The following GNG2 variants were observed in gnomAD, a reference collection of about 807,000 sequenced individuals.
The protein encoded by GNG2 is G protein subunit gamma 2.
Under a neutral mutation model 5.5 loss-of-function variants are expected in GNG2, and 5 were observed. That is an observed-to-expected ratio of 0.91 (90% CI 0.48 to 1.92). The LOEUF is 1.92. Among genes scored for constraint, GNG2 ranks in the 30% most tolerant of loss-of-function variants. The pLI is 0.01. For missense variants in GNG2, 55 were observed against 88.4 expected (o/e 0.62, Z 1.52); for synonymous variants, 28 against 32.0 (o/e 0.88, Z 0.42).
chr14:51,923,763 T>C (rs964308318), intron 2 of GNG2, among the ~76,000 whole-genome samples: 6 of 152,160 alleles, frequency 3.9e-5, no homozygotes, highest in African/African-American at 1.4e-4. Flanking sequence ...TGGAATAGAA[T>C]GTAAAATGTA....
intron 2 of GNG2, among the ~76,000 whole-genome samples, chr14:51,933,723 G>A (rs1037158822): frequency 6.6e-6 from 1 of 152,224 alleles, no homozygotes; most frequent in Non-Finnish European, 1.5e-5. Flanking sequence ...CAAGGGAAGA[G>A]AAGGCAGAGC....
chr14:51,903,929 G>A (rs1159958691), intron 2 of GNG2, among the ~76,000 whole-genome samples: 1 of 152,196 alleles, frequency 6.6e-6, no homozygotes, highest in Non-Finnish European at 1.5e-5. Context: ...TTCCCAAGCT[G>A]TATCCACCAT....
intron 2 of GNG2, among the ~76,000 whole-genome samples, chr14:51,850,275 C>T (rs1275351714): frequency 1.3e-5 from 2 of 152,122 alleles, no homozygotes; most frequent in African/African-American, 4.8e-5. Flanking sequence ...TAAGTTGCCT[C>T]TTATGTGGCT....
intron 1 of GNG2, among the ~76,000 whole-genome samples, chr14:51,876,761 G>A (rs1481839566): frequency 2.0e-5 from 3 of 152,068 alleles, no homozygotes; most frequent in Non-Finnish European, 2.9e-5. Flanking sequence ...AGTAATGTGA[G>A]GCCTCTGGAG....
intron 2 of GNG2, among the ~76,000 whole-genome samples, chr14:51,944,673 A>G (rs1314079653): frequency 6.6e-6 from 1 of 152,242 alleles, no homozygotes; most frequent in Non-Finnish European, 1.5e-5. Flanking sequence ...ACGCCTAAAC[A>G]TAAGAGCTAA....
At chr14:51,844,903 T>C (rs1251054481) in intron 2 of GNG2, among the ~76,000 whole-genome samples, 1 of 152,116 alleles carries the variant, frequency 6.6e-6, no homozygotes, top group Non-Finnish European at 1.5e-5. Context: ...TTTTTTGTAT[T>C]TTTAGTAGGG....
intron 2 of GNG2, among the ~76,000 whole-genome samples, chr14:51,917,987 C>G: frequency 6.7e-6 from 1 of 149,690 alleles, no homozygotes; most frequent in South Asian, 2.1e-4. Context: ...GATCGTGTCA[C>G]TGCACTCTAG....
chr14:51,869,876 C>CT, intron 1 of GNG2, among the ~76,000 whole-genome samples: 1 of 152,276 alleles, frequency 6.6e-6, no homozygotes, highest in East Asian at 1.9e-4. Flanking sequence ...AACTCACATG[C>CT]TATATGTATG....
intron 2 of GNG2, among the ~76,000 whole-genome samples, chr14:51,912,582 G>A (rs967365242): frequency 2.0e-5 from 3 of 152,294 alleles, no homozygotes; most frequent in Non-Finnish European, 4.4e-5. Flanking sequence ...TTTCATTACT[G>A]CTGGGCTTCT....
intron 2 of GNG2, among the ~76,000 whole-genome samples, chr14:51,940,659 G>A (rs149464139): frequency 4.6e-5 from 7 of 151,960 alleles, no homozygotes; most frequent in East Asian, 1.9e-4. Flanking sequence ...CAGATCCTCC[G>A]GGGCTTGTAA....
intron 2 of GNG2, among the ~76,000 whole-genome samples, chr14:51,928,853 G>T (rs75210392): frequency 6.6e-6 from 1 of 151,594 alleles, no homozygotes; most frequent in Admixed American, 6.6e-5. Flanking sequence ...ATTTACAGGC[G>T]TGAGCCACCG....
At chr14:51,929,123 C>T (rs1393280085) in intron 2 of GNG2, among the ~76,000 whole-genome samples, 1 of 152,198 alleles carries the variant, frequency 6.6e-6, no homozygotes. Flanking sequence ...TTTGAAGTGA[C>T]TCTCTAATGG....
At chr14:51,958,038 T>C (rs919381251) in intron 3 of GNG2, among the ~76,000 whole-genome samples, 2 of 152,230 alleles carry the variant, frequency 1.3e-5, no homozygotes, top group African/African-American at 4.8e-5. Context: ...ATTTGTTTTC[T>C]TTTTGAAGTT....
rs1445313036 is a variant in GNG2 at position 51,889,109 on chromosome 14, C to CCTTTTT, written c.-30+11452_-30+11453insCTTTTT. 1.3e-4 allele frequency among the ~76,000 whole-genome samples: 16 copies of CCTTTTT among 118,938 alleles called. 5 individuals are homozygous for CCTTTTT. Among genetic ancestry groups the CCTTTTT allele is most frequent in the Admixed American group, 8.9e-5 (1 of 11,226 alleles). 78.0% of individuals were successfully genotyped at this position (118,938 alleles called of 152,430 possible). On this transcript the variant is annotated intron_variant, in intron 2 of 3. Coordinates refer to ENST00000556766, the MANE Select transcript of GNG2 (RefSeq NM_053064.5). ...GACTGCTAATGGGTATGGGTTTGCG[C>CCTTTTT]TTTTTTTTTTTTTTTTTTTTTGAGA...
intron 2 of GNG2, among the ~76,000 whole-genome samples, chr14:51,878,750 T>C (rs1357493850): frequency 6.6e-6 from 1 of 152,254 alleles, no homozygotes; most frequent in Non-Finnish European, 1.5e-5. Context: ...TGTACTGACC[T>C]ATACATGTAT....
At chr14:51,839,799 C>T (rs903785126) in intron 2 of GNG2, among the ~76,000 whole-genome samples, 1 of 152,054 alleles carries the variant, frequency 6.6e-6, no homozygotes, top group African/African-American at 2.4e-5. Context: ...GGAAAAAGAG[C>T]AAGATGTACC....
chr14:51,918,651 A>G (rs1430085645), intron 2 of GNG2: 1 of 152,212 alleles, frequency 6.6e-6, no homozygotes, highest in Admixed American at 6.5e-5. Context: ...ATACTTGGAG[A>G]TCAGCTACAG....
At chr14:51,964,918 C>A (rs539895080) in intron 3 of GNG2, among the ~76,000 whole-genome samples, 1 of 152,116 alleles carries the variant, frequency 6.6e-6, no homozygotes, top group Non-Finnish European at 1.5e-5. Context: ...AGTGACAAAG[C>A]TTTAATCAAC....
intron 3 of GNG2, among the ~76,000 whole-genome samples, chr14:51,965,949 C>T (rs1011060368): frequency 6.6e-6 from 1 of 152,054 alleles, no homozygotes; most frequent in Non-Finnish European, 1.5e-5. Flanking sequence ...TGGCTCACGT[C>T]TGTAATCCCA....
Sources: allele counts gnomAD v4.1 joint callset (sites outside exome capture counted in the v4.1 genomes callset), GRCh38; gene constraint gnomAD v4.1.1; transcripts MANE v1.5; gene names NCBI Gene and HGNC (gene_info 2026-07-23, HGNC 2026-07-21).